Variants in VRK2 observed in about 807,000 individuals in gnomAD.
The protein encoded by VRK2 is VRK serine/threonine kinase 2.
Under a neutral mutation model 57.6 loss-of-function variants are expected in VRK2, and 60 were observed. That is an observed-to-expected ratio of 1.04 (90% CI 0.85 to 1.29). The LOEUF is 1.29. Ranked by LOEUF, VRK2 falls within the 50% of genes most tolerant of loss-of-function variation. The pLI is 0.00. For missense variants in VRK2, 705 were observed against 588.1 expected, an observed-to-expected ratio of 1.20 and a Z score of -2.06; for synonymous variants, 231 against 199.2, an observed-to-expected ratio of 1.16 and a Z score of -1.35.
chr2:58,023,267 A>T (rs1673819527), intron 1 of VRK2, among the ~76,000 whole-genome samples: 1 of 152,292 alleles, frequency 6.6e-6, no homozygotes, highest in East Asian at 1.9e-4. Flanking sequence ...GTCACTTAGC[A>T]TGTCTTCAAT....
chr2:57,986,838 A>T (rs890995969), intron 1 of VRK2, among the ~76,000 whole-genome samples: 2 of 152,140 alleles, frequency 1.3e-5, no homozygotes, highest in African/African-American at 4.8e-5. Flanking sequence ...ACCTGAAGTG[A>T]TCTGCCTGCC....
chr2:57,928,269 C>T (rs1405572487), intron 1 of VRK2, among the ~76,000 whole-genome samples: 1 of 151,948 alleles, frequency 6.6e-6, no homozygotes, highest in Non-Finnish European at 1.5e-5. Context: ...TTCAGATAGC[C>T]TGTCTTCAAG....
At chr2:58,067,976 C>G (rs1017822180) in intron 2 of VRK2, among the ~76,000 whole-genome samples, 1 of 151,622 alleles carries the variant, frequency 6.6e-6, no homozygotes, top group Non-Finnish European at 1.5e-5. Flanking sequence ...GTCACCCAGC[C>G]TGGAGTGCAG....
At chr2:57,982,491 G>T (rs1435510371) in intron 1 of VRK2, among the ~76,000 whole-genome samples, 1 of 152,110 alleles carries the variant, frequency 6.6e-6, no homozygotes, top group Non-Finnish European at 1.5e-5. Context: ...GCTTGCCAGT[G>T]GGGGAAGGCT....
rs186618744 is a variant in VRK2, at chr2:58,134,364, C to G, written c.798-777C>G. On this transcript the variant is annotated intron_variant, in intron 9 of 12. Transcript: ENST00000340157. ...CGGTGGCTCACGCCTGTAATCCCAG[C>G]ACTTTGGGAGGCCGAGGCGGGTGGA... Among the ~76,000 whole-genome samples the G allele has an allele frequency of 2.3e-4, 35 of 152,188 alleles. No homozygotes were observed. The East Asian group carries it at 4.3e-3, about 19-fold the overall frequency.
intron 1 of VRK2, among the ~76,000 whole-genome samples, chr2:57,916,733 T>G (rs1211118811): frequency 6.6e-6 from 1 of 152,188 alleles, no homozygotes; most frequent in East Asian, 1.9e-4. Flanking sequence ...TTAGACCATG[T>G]GTTTTACTAA....
Position 58,139,853 on chromosome 2 carries a change from TA to T in VRK2, c.1023+22del, listed in dbSNP as rs756560128. 9.5e-6 allele frequency: 15 copies of T among 1,582,852 alleles called. No homozygotes were observed. In the East Asian group the frequency reaches 3.4e-4, roughly 36 times the overall value. On this transcript the variant is annotated intron_variant, in intron 11 of 12. Transcript: ENST00000340157. ...AAAAAGTAAGTAACATAATCCCTGCTATCCTATGATTACCTTCTATGATACT... is the reference window on the plus strand; with the variant it reads ...AAAAAGTAAGTAACATAATCCCTGCTTCCTATGATTACCTTCTATGATACT...
intron 7 of VRK2, among the ~76,000 whole-genome samples, chr2:58,098,675 T>TGTAA (rs1436158033): frequency 8.6e-5 from 13 of 152,044 alleles, no homozygotes; most frequent in Non-Finnish European, 1.9e-4. Context: ...TCAGGGGTTG[T>TGTAA]GTAAGTACAC....
chr2:58,123,239 T>C lies in VRK2; in HGVS notation c.676+6T>C. On this transcript the variant is annotated splice_donor_region_variant and intron_variant, in intron 8 of 12. Transcript: ENST00000340157. ...GGATGCCCACAAGGGAGTAGGTGGGTTTCTTTTTTCTTTTTCTTATTTTTA... is the reference window on the plus strand; with the variant it reads ...GGATGCCCACAAGGGAGTAGGTGGGCTTCTTTTTTCTTTTTCTTATTTTTA... 1.9e-6 allele frequency: 3 copies of C among 1,572,488 alleles called. No individual in the cohort carries two copies. Among genetic ancestry groups the C allele is most frequent in the Non-Finnish European group, 2.6e-6 (3 of 1,168,432 alleles).
At chr2:57,982,558 T>C (rs1672456129) in intron 1 of VRK2, among the ~76,000 whole-genome samples, 2 of 152,020 alleles carry the variant, frequency 1.3e-5, no homozygotes, top group African/African-American at 4.8e-5. Flanking sequence ...TTGGCAGGGA[T>C]CCACCTGAAA....
At chr2:57,944,913 G>GT (rs1438740001) in intron 1 of VRK2, among the ~76,000 whole-genome samples, 2 of 152,064 alleles carry the variant, frequency 1.3e-5, no homozygotes, top group Non-Finnish European at 2.9e-5. Flanking sequence ...AGTGCAAAGT[G>GT]TTTTGCATGC....
intron 7 of VRK2, among the ~76,000 whole-genome samples, chr2:58,104,497 T>G (rs11892302): frequency 0.061 from 9,293 of 151,858 alleles, 961 homozygotes; most frequent in African/African-American, 0.21. Context: ...CCTAAGAATA[T>G]ATTTAACCAA....
intron 1 of VRK2, among the ~76,000 whole-genome samples, chr2:57,960,750 C>T (rs1483008447): frequency 6.6e-6 from 1 of 152,154 alleles, no homozygotes; most frequent in Non-Finnish European, 1.5e-5. Context: ...AAATTAAATA[C>T]AGATTAGATG....
intron 5 of VRK2, among the ~76,000 whole-genome samples, chr2:58,087,716 C>A (rs567294580): frequency 1.3e-5 from 2 of 152,090 alleles, no homozygotes; most frequent in African/African-American, 4.8e-5. Context: ...TGGCTGGGCA[C>A]GGTGGCTCAT....
intron 1 of VRK2, among the ~76,000 whole-genome samples, chr2:57,945,810 C>G (rs1032048849): frequency 1.7e-4 from 26 of 151,894 alleles, no homozygotes; most frequent in African/African-American, 5.8e-4. Flanking sequence ...ATAAAAAGAC[C>G]TATCAGTGCA....
At position 58,159,844 on chromosome 2, in the gene VRK2, A is replaced by AAAAAAT. The variant is rs1472063326; in HGVS notation, c.*156_*161dup. ...TTTTAACAAAGTTTGTGGACACTCT[A>AAAAAAT]AAAAATAAAATTGCTTTGTACTAGA... On this transcript the variant is annotated 3_prime_UTR_variant, in exon 13 of 13. Transcript: ENST00000340157. The AAAAAAT allele has an allele frequency of 6.2e-7, 1 of 1,607,996 alleles. No individual in the cohort carries two copies. The highest frequency in any genetic ancestry group is 1.7e-5 in the Admixed American group (1 of 59,250).
chr2:58,043,170 A>G (rs530268720), upstream of VRK2, among the ~76,000 whole-genome samples: 1 of 152,306 alleles, frequency 6.6e-6, no homozygotes, highest in Admixed American at 6.5e-5. Flanking sequence ...ATAAAAACCA[A>G]TGCTAAGTGG....
At chr2:58,086,274 T>C in intron 4 of VRK2, 65 bp from the exon 5 acceptor site, 1 of 1,405,310 alleles carries the variant, frequency 7.1e-7, no homozygotes. Context: ...AATTTGTCTG[T>C]AGAAAGGTGA....
At chr2:58,026,249 G>A (rs1010251407) in intron 2 of VRK2, among the ~76,000 whole-genome samples, 14 of 152,042 alleles carry the variant, frequency 9.2e-5, no homozygotes, top group African/African-American at 2.9e-4. Context: ...TGTTACCTAA[G>A]AACAAGTGTT....
Sources: allele counts gnomAD v4.1 joint callset (sites outside exome capture counted in the v4.1 genomes callset), GRCh38; gene constraint gnomAD v4.1.1; transcripts MANE v1.5; gene names NCBI Gene and HGNC (gene_info 2026-07-23, HGNC 2026-07-21).